The following ZNF521 variants were observed in gnomAD, a reference collection of about 807,000 sequenced individuals.
ZNF521 encodes LYST-interacting protein 3.
A neutral mutation model predicts 105.5 loss-of-function variants in ZNF521; 14 were observed. The ratio of observed to expected loss-of-function variants is 0.13; its 90% CI spans 0.09 to 0.21. ZNF521 has a LOEUF of 0.21. ZNF521 is among the 10% of genes least tolerant of loss of function. ZNF521 has a pLI of 1.00. For missense variants in ZNF521, 1,233 were observed against 1,629.7 expected (o/e 0.76, Z 4.19); for synonymous variants, 635 against 606.0 (o/e 1.05, Z -0.70).
intron 7 of ZNF521, among the ~76,000 whole-genome samples, chr18:25,063,367 G>A (rs2032962435): frequency 6.6e-6 from 1 of 152,054 alleles, no homozygotes; most frequent in South Asian, 2.1e-4. Flanking sequence ...TGGTCATACC[G>A]TGGCTCAGGG....
chr18:25,315,941 TC>T (rs2145125617), intron 3 of ZNF521, among the ~76,000 whole-genome samples: 2 of 152,272 alleles, frequency 1.3e-5, no homozygotes, highest in South Asian at 4.1e-4. Flanking sequence ...ATAGAATATA[TC>T]CCTTTTCTGT....
intron 3 of ZNF521, among the ~76,000 whole-genome samples, chr18:25,247,619 TAG>T (rs1907821575): frequency 6.6e-6 from 1 of 152,196 alleles, no homozygotes; most frequent in South Asian, 2.1e-4. Context: ...GCCACTGGAC[TAG>T]AACATAGAAT....
rs1321412598 is a variant in ZNF521 at position 25,225,572 on chromosome 18, C to T, written c.2346G>A (p.Val782=). The change falls in exon 4 of 8, where the codon GTG becomes GTA. Residue 782 remains valine (V), a synonymous_variant. Coordinates refer to ENST00000361524, the MANE Select transcript of ZNF521 (RefSeq NM_015461.3). The surrounding 1 kb of genome is among the most constrained non-coding windows in gnomAD (Gnocchi z 5.6). ...ACTCACCGCAGAAAATGCACTTATG[C>T]ACTTTCCCTTGGTTTTCCAGGTGGT... ...KHNHLENQGK[V]HKCIFCGESF... 1.2e-6 allele frequency: 2 copies of T among 1,614,098 alleles called. No homozygotes were observed. The highest frequency in any genetic ancestry group is 1.7e-6 in the Non-Finnish European group (2 of 1,180,040).
At chr18:25,113,286 C>T (rs927072205) in intron 5 of ZNF521, among the ~76,000 whole-genome samples, 1 of 152,130 alleles carries the variant, frequency 6.6e-6, no homozygotes, top group African/African-American at 2.4e-5. Flanking sequence ...GTCTCTGTAT[C>T]TAGTTACAGC....
At chr18:25,152,478 C>CAAA (rs529986628) in intron 5 of ZNF521, among the ~76,000 whole-genome samples, 7 of 89,490 alleles carry the variant, frequency 7.8e-5, no homozygotes, top group African/African-American at 2.7e-4. Context: ...GACTCGGTCT[C>CAAA]AAAAAAAAAA....
intron 3 of ZNF521, among the ~76,000 whole-genome samples, chr18:25,281,040 C>T (rs1910344224): frequency 6.6e-6 from 1 of 152,118 alleles, no homozygotes; most frequent in Non-Finnish European, 1.5e-5. Context: ...TTTTCTACTT[C>T]CCAGTTGTGA....
At chr18:25,238,039 T>C (rs79193391) in intron 3 of ZNF521, among the ~76,000 whole-genome samples, 3,265 of 152,308 alleles carry the variant, frequency 0.021, 63 homozygotes, top group East Asian at 0.077. Flanking sequence ...TATAATCTTG[T>C]ACTAACAATA....
At chr18:25,280,413 T>C (rs1342323639) in intron 3 of ZNF521, among the ~76,000 whole-genome samples, 1 of 148,398 alleles carries the variant, frequency 6.7e-6, no homozygotes, top group East Asian at 2.0e-4. Context: ...GGAAGGGATG[T>C]AAAAAATTAA....
intron 3 of ZNF521, among the ~76,000 whole-genome samples, chr18:25,299,236 T>C (rs1208676244): frequency 6.6e-6 from 1 of 152,222 alleles, no homozygotes; most frequent in Non-Finnish European, 1.5e-5. Context: ...ATACACAGAA[T>C]ACTAACATGT....
chr18:25,227,310 T>G lies in ZNF521; in HGVS notation c.608A>C (p.Lys203Thr). ...AAACCCACGGCGACAAATGGCACAT[T>G]TATATGGCTTGTTGGACGTGTGAGT... is the stretch of plus-strand genomic sequence containing the variant. The part of the protein sequence containing the change: ...LKTHTSNKPY[K>T]CAICRRGFLS... The change falls in exon 4 of 8, where the codon AAA (lysine) becomes ACA (threonine). Residue 203 changes from lysine (K) to threonine (T), a missense_variant. By Grantham distance (78) the Lys-to-Thr change is moderately conservative (BLOSUM62 -1). Transcript: ENST00000361524. This position sits in a 1 kb window ranked among gnomAD's most constrained non-coding sequence, Gnocchi z 5.7. 1 of 1,614,104 alleles carries G rather than the reference T, an allele frequency of 6.2e-7. No homozygotes were observed. The highest frequency in any genetic ancestry group is 2.2e-5 in the East Asian group (1 of 44,872).
At chr18:25,157,632 A>G (rs1347946346) in intron 5 of ZNF521, among the ~76,000 whole-genome samples, 1 of 152,210 alleles carries the variant, frequency 6.6e-6, no homozygotes, top group Non-Finnish European at 1.5e-5. Flanking sequence ...TAAGGCATAT[A>G]AAGAATATAA....
At chr18:25,163,390 G>C (rs2035283002) in intron 5 of ZNF521, among the ~76,000 whole-genome samples, 1 of 152,084 alleles carries the variant, frequency 6.6e-6, no homozygotes, top group Non-Finnish European at 1.5e-5. Flanking sequence ...AAAGTTGCTG[G>C]ACACACTAAT....
intron 2 of ZNF521, among the ~76,000 whole-genome samples, chr18:25,324,655 AAT>A (rs1349076011): frequency 1.3e-5 from 2 of 152,194 alleles, no homozygotes; most frequent in Non-Finnish European, 2.9e-5. Flanking sequence ...TCTGATTTTT[AAT>A]ATGATTATTT....
chr18:25,325,608 G>A (rs1913172530), intron 2 of ZNF521, among the ~76,000 whole-genome samples: 1 of 152,154 alleles, frequency 6.6e-6, no homozygotes, highest in Admixed American at 6.5e-5. Flanking sequence ...CATAGCTGCA[G>A]GCACCACTCT....
chr18:25,243,663 T>C (rs901445459), intron 3 of ZNF521, among the ~76,000 whole-genome samples: 2 of 152,200 alleles, frequency 1.3e-5, no homozygotes, highest in African/African-American at 4.8e-5. Context: ...TCAAGCTGAT[T>C]AATAATTTTA....
chr18:25,224,110 A>T (rs776748988), intron 4 of ZNF521: 1 of 491,874 alleles, frequency 2.0e-6, no homozygotes, highest in Admixed American at 3.4e-5. Flanking sequence ...TAGAGAAGAC[A>T]ATATCCTAGG....
intron 3 of ZNF521, among the ~76,000 whole-genome samples, chr18:25,305,519 G>A (rs1191258315): frequency 6.6e-6 from 1 of 152,034 alleles, no homozygotes; most frequent in African/African-American, 2.4e-5. Context: ...TATTCATTGG[G>A]TTTGGGAAAC....
chr18:25,189,090 TCCCAGGTTCCTTAAG>T (rs1276506373), intron 5 of ZNF521, among the ~76,000 whole-genome samples: 1 of 152,198 alleles, frequency 6.6e-6, no homozygotes, highest in Non-Finnish European at 1.5e-5. Context: ...GAAGACTTTA[TCCCAGGTTCCTTAAG>T]AAATGAGAAT....
chr18:25,332,422 GA>G (rs1280721251), intron 2 of ZNF521, among the ~76,000 whole-genome samples: 2 of 148,156 alleles, frequency 1.3e-5, no homozygotes, highest in Non-Finnish European at 1.5e-5. Flanking sequence ...ATGTATAATT[GA>G]AAAAAAGGAA....
Sources: gnomAD v4.1 joint callset for allele counts (sites outside exome capture counted in the v4.1 genomes callset) on GRCh38, gnomAD v4.1.1 for gene constraint, Gnocchi (gnomAD v3.1) non-coding constraint, MANE v1.5 for transcripts, NCBI Gene and HGNC (gene_info 2026-07-23, HGNC 2026-07-21) for gene names.